The following SHISA6 variants were observed in gnomAD, a reference collection of about 807,000 sequenced individuals.
The protein encoded by SHISA6 is protein shisa-6.
A neutral mutation model predicts 47.9 loss-of-function variants in SHISA6; 22 were observed. That is an observed-to-expected ratio of 0.46 (90% CI 0.33 to 0.66). The LOEUF (loss-of-function observed/expected upper bound fraction) is 0.66. Ranked by LOEUF, SHISA6 falls within the 30% of genes least tolerant of loss-of-function variation. The probability of loss-of-function intolerance (pLI) is 0.02; values close to 1 mark genes in which losing one functional copy is unlikely to be tolerated. For synonymous variants in SHISA6, 388 were observed against 337.8 expected, an observed-to-expected ratio of 1.15 and a Z score of -1.63; for missense variants, 680 against 764.6, an observed-to-expected ratio of 0.89 and a Z score of 1.30.
intron 1 of SHISA6, among the ~76,000 whole-genome samples, chr17:11,247,495 A>T: frequency 6.6e-6 from 1 of 152,082 alleles, no homozygotes; most frequent in East Asian, 1.9e-4. Flanking sequence ...CATTTTTGAA[A>T]TTATGGTGAA....
chr17:11,325,936 C>A (rs1445538674), intron 2 of SHISA6, among the ~76,000 whole-genome samples: 1 of 152,174 alleles, frequency 6.6e-6, no homozygotes, highest in Non-Finnish European at 1.5e-5. Flanking sequence ...CCCCAAAAGA[C>A]TTGTTGATTC....
At chr17:11,537,041 T>A (rs1330997182) in intron 3 of SHISA6, among the ~76,000 whole-genome samples, 3 of 151,842 alleles carry the variant, frequency 2.0e-5, no homozygotes, top group African/African-American at 7.3e-5. Context: ...TTTAAGTGAA[T>A]CTGGCAGAAG....
At chr17:11,402,340 G>A (rs1020775725) in intron 3 of SHISA6, among the ~76,000 whole-genome samples, 2 of 152,138 alleles carry the variant, frequency 1.3e-5, no homozygotes, top group Non-Finnish European at 2.9e-5. Context: ...TGTTCCCTTG[G>A]CAGTTTGTGT....
chr17:11,503,685 T>G (rs1026543884), intron 3 of SHISA6, among the ~76,000 whole-genome samples: 1 of 152,216 alleles, frequency 6.6e-6, no homozygotes, highest in African/African-American at 2.4e-5. Context: ...TAATAAGGCT[T>G]TGTATATTGT....
rs558926212 is a variant in SHISA6, at chr17:11,558,310, G to T, written c.*6G>T. 80 of 1,536,374 alleles carry T rather than the reference G, an allele frequency of 5.2e-5. No homozygotes were observed. The highest frequency in any genetic ancestry group is 6.5e-5 in the Non-Finnish European group (75 of 1,146,024). On this transcript the variant is annotated 3_prime_UTR_variant, in exon 6 of 6. Transcript: ENST00000441885. ...AGACCGAAGTGACCGTGTGACCGGC[G>T]GGGCAGGGCCGGGGCTGCTGGGCGT...
At chr17:11,481,366 G>GTATATATATATATATA (rs768989352) in intron 3 of SHISA6, among the ~76,000 whole-genome samples, 1 of 110,278 alleles carries the variant, frequency 9.1e-6, no homozygotes, top group African/African-American at 3.3e-5. Context: ...GTGTGTGTGT[G>GTATATATATATATATA]TATATATATA....
At chr17:11,551,765 C>A in intron 3 of SHISA6, 131 bp from the exon 4 acceptor site, 1 of 759,498 alleles carries the variant, frequency 1.3e-6, no homozygotes, top group East Asian at 2.7e-5. Context: ...ATACAATGAC[C>A]TCTGCCTTTC....
At chr17:11,403,225 G>A (rs1913839849) in intron 3 of SHISA6, among the ~76,000 whole-genome samples, 1 of 152,164 alleles carries the variant, frequency 6.6e-6, no homozygotes, top group African/African-American at 2.4e-5. Context: ...CAAGTTTTTA[G>A]GGAGTAATTG....
At chr17:11,424,340 A>G (rs1416328156) in intron 3 of SHISA6, among the ~76,000 whole-genome samples, 1 of 152,236 alleles carries the variant, frequency 6.6e-6, no homozygotes, top group African/African-American at 2.4e-5. Context: ...ATTACCATCA[A>G]CATAGGATTT....
chr17:11,246,203 A>G (rs567789727), intron 1 of SHISA6, among the ~76,000 whole-genome samples: 217 of 152,268 alleles, frequency 1.4e-3, no homozygotes, highest in African/African-American at 4.5e-3. Context: ...TAAAAAAAAA[A>G]TGCTTCGCCG....
chr17:11,494,183 G>A (rs1004346225), intron 3 of SHISA6, among the ~76,000 whole-genome samples: 30 of 152,216 alleles, frequency 2.0e-4, no homozygotes, highest in African/African-American at 7.2e-4. Context: ...TAGGAGCAGA[G>A]GGTTTTCCTC....
chr17:11,385,107 T>C (rs1913150408), intron 3 of SHISA6, among the ~76,000 whole-genome samples: 1 of 152,180 alleles, frequency 6.6e-6, no homozygotes, highest in African/African-American at 2.4e-5. Context: ...TTAGGAGCTT[T>C]GGAGCAATTA....
At position 11,558,351 on chromosome 17, in the gene SHISA6, G is replaced by C. The variant is rs554288290; in HGVS notation, c.*47G>C. The C allele has an allele frequency of 6.7e-6, 10 of 1,498,944 alleles. No individual in the cohort carries two copies. Among genetic ancestry groups the C allele is most frequent in the Non-Finnish European group, 8.0e-6 (9 of 1,121,886 alleles). 92.9% of individuals were successfully genotyped at this position (1,498,944 alleles called of 1,614,324 possible). A position where few individuals can be genotyped will look rare whatever the true frequency, so the allele number is the denominator to read the frequency against. On this transcript the variant is annotated 3_prime_UTR_variant, in exon 6 of 6. Coordinates refer to ENST00000441885, the MANE Select transcript of SHISA6 (RefSeq NM_207386.4). ...TGCTGGGCGTGGCAGAGCAGAGCGGGGGCCGGGAGGGGCCAGGAGCAGAGC... is the reference window on the plus strand; with the variant it reads ...TGCTGGGCGTGGCAGAGCAGAGCGGCGGCCGGGAGGGGCCAGGAGCAGAGC...
At chr17:11,294,903 A>G (rs1331400058) in intron 2 of SHISA6, among the ~76,000 whole-genome samples, 1 of 152,202 alleles carries the variant, frequency 6.6e-6, no homozygotes, top group Admixed American at 6.5e-5. Flanking sequence ...TCTCTTTGGC[A>G]TATCTGACTT....
chr17:11,406,746 T>C (rs953191066), intron 3 of SHISA6, among the ~76,000 whole-genome samples: 3 of 152,184 alleles, frequency 2.0e-5, no homozygotes, highest in Non-Finnish European at 2.9e-5. Context: ...TCCTCTTTTT[T>C]TCCTGCTTTC....
At chr17:11,554,563 T>C (rs2071958947) in intron 4 of SHISA6, among the ~76,000 whole-genome samples, 1 of 152,168 alleles carries the variant, frequency 6.6e-6, no homozygotes, top group Admixed American at 6.5e-5. Flanking sequence ...CTCCTGCACA[T>C]TCGACCGAAG....
intron 3 of SHISA6, among the ~76,000 whole-genome samples, chr17:11,525,244 G>A (rs1028684752): frequency 2.6e-5 from 4 of 152,120 alleles, no homozygotes; most frequent in African/African-American, 7.2e-5. Flanking sequence ...TCAGTTATAC[G>A]ATTCATCATG....
intron 3 of SHISA6, among the ~76,000 whole-genome samples, chr17:11,388,703 TA>T (rs916546016): frequency 2.1e-5 from 3 of 146,150 alleles, no homozygotes; most frequent in Non-Finnish European, 3.0e-5. Flanking sequence ...AGCTACTTGG[TA>T]AAAAAAATGA....
intron 3 of SHISA6, among the ~76,000 whole-genome samples, chr17:11,450,430 G>A (rs1915365324): frequency 6.6e-6 from 1 of 152,046 alleles, no homozygotes; most frequent in African/African-American, 2.4e-5. Flanking sequence ...GCCGAGGTGG[G>A]CGGATCACCT....
Sources: gnomAD v4.1 joint callset for allele counts (sites outside exome capture counted in the v4.1 genomes callset) on GRCh38, gnomAD v4.1.1 for gene constraint, MANE v1.5 for transcripts, NCBI Gene and HGNC (gene_info 2026-07-23, HGNC 2026-07-21) for gene names.